SEPTIN11: variants seen among roughly 807,000 people sequenced by gnomAD.
The protein encoded by SEPTIN11 is septin 11.
A neutral mutation model predicts 51.4 loss-of-function variants in SEPTIN11; 25 were observed. The ratio of observed to expected loss-of-function variants is 0.49; its 90% CI spans 0.35 to 0.68. The LOEUF (loss-of-function observed/expected upper bound fraction) is 0.68. SEPTIN11 is among the 30% of genes least tolerant of loss of function. The pLI, the probability that SEPTIN11 is intolerant of heterozygous loss-of-function variation, is 0.00. For missense variants in SEPTIN11, 381 were observed against 520.8 expected (o/e 0.73, Z 2.61); for synonymous variants, 174 against 184.1 (o/e 0.95, Z 0.44).
At chr4:76,978,628 G>T (rs1013330108) in intron 1 of SEPTIN11, among the ~76,000 whole-genome samples, 1 of 152,160 alleles carries the variant, frequency 6.6e-6, no homozygotes, top group Non-Finnish European at 1.5e-5. Context: ...ACCGTAAAAT[G>T]GGAATAATAA....
chr4:77,033,303 TGG>T (rs1192221561), intron 9 of SEPTIN11, among the ~76,000 whole-genome samples: 1 of 152,220 alleles, frequency 6.6e-6, no homozygotes, highest in African/African-American at 2.4e-5. Context: ...GGAACAGATG[TGG>T]GAGTTGCCAT....
intron 1 of SEPTIN11, among the ~76,000 whole-genome samples, chr4:76,994,760 T>C (rs1723572667): frequency 6.6e-6 from 1 of 152,178 alleles, no homozygotes; most frequent in African/African-American, 2.4e-5. Context: ...TTTCTGTGCC[T>C]ATATAGTGAC....
At chr4:77,009,797 C>G (rs1385095696) in intron 3 of SEPTIN11, 1 of 152,200 alleles carries the variant, frequency 6.6e-6, no homozygotes, top group Non-Finnish European at 1.5e-5. Flanking sequence ...TTCTCTTACC[C>G]TTTGGGATAA....
At chr4:77,016,177 A>G (rs994556015) in intron 5 of SEPTIN11, among the ~76,000 whole-genome samples, 8 of 152,124 alleles carry the variant, frequency 5.3e-5, no homozygotes, top group Admixed American at 1.3e-4. Context: ...AGCATTTACT[A>G]TGCACCAGGA....
intron 4 of SEPTIN11, among the ~76,000 whole-genome samples, chr4:77,013,017 C>T (rs867500603): frequency 2.0e-5 from 3 of 152,196 alleles, no homozygotes; most frequent in South Asian, 4.1e-4. Flanking sequence ...GGGCCGCTTC[C>T]GGGTCTGTTG....
Position 77,035,638 on chromosome 4 carries a change from A to G in SEPTIN11, c.*1126A>G. 1 of 985,624 alleles carries G rather than the reference A, an allele frequency of 1.0e-6. No individual in the cohort carries two copies. The allele number at this position is 985,624 out of a possible 1,614,324, so 61.1% of individuals were successfully genotyped here. A position where few individuals can be genotyped will look rare whatever the true frequency, so the allele number is the denominator to read the frequency against. ...CTTAGTCTCCTTTCAGTATTTGGCA[A>G]TAAAAGAAAGAAGAAATAGAACAGC... is the stretch of plus-strand genomic sequence containing the variant. On this transcript the variant is annotated 3_prime_UTR_variant, in exon 10 of 10. Transcript: ENST00000264893.
At chr4:77,033,335 T>G (rs1045195907) in intron 9 of SEPTIN11, among the ~76,000 whole-genome samples, 3 of 152,214 alleles carry the variant, frequency 2.0e-5, no homozygotes, top group African/African-American at 7.2e-5. Flanking sequence ...GACTTTGTTA[T>G]AGGTAGAAAA....
chr4:77,023,047 G>A (rs1725832576), intron 7 of SEPTIN11, among the ~76,000 whole-genome samples: 1 of 152,152 alleles, frequency 6.6e-6, no homozygotes, highest in Non-Finnish European at 1.5e-5. Flanking sequence ...CCCACCAGGA[G>A]GAGGTGGAGC....
chr4:76,956,745 T>C (rs756923827), intron 1 of SEPTIN11, among the ~76,000 whole-genome samples: 1 of 152,088 alleles, frequency 6.6e-6, no homozygotes, highest in Non-Finnish European at 1.5e-5. Context: ...GGATAGAGAA[T>C]CCTCCTGTAA....
At chr4:77,015,075 A>C in intron 5 of SEPTIN11, 58 bp downstream of exon 5, 3 of 1,553,520 alleles carry the variant, frequency 1.9e-6, no homozygotes, top group Non-Finnish European at 2.6e-6. Flanking sequence ...TCTTAGTAGC[A>C]GCATTGTAGA....
intron 3 of SEPTIN11, among the ~76,000 whole-genome samples, chr4:77,007,475 A>C (rs1459024469): frequency 6.6e-6 from 1 of 152,004 alleles, no homozygotes; most frequent in Non-Finnish European, 1.5e-5. Context: ...CAGTGCTGCC[A>C]CTCAATTTTT....
intron 1 of SEPTIN11, among the ~76,000 whole-genome samples, chr4:76,966,382 TTAAGGCTTGTAAAATGACTATGACCTGA>T (rs1367049353): frequency 6.6e-6 from 1 of 152,126 alleles, no homozygotes; most frequent in Non-Finnish European, 1.5e-5. Flanking sequence ...CAGGAAACTG[TTAAGGCTTGTAAAATGACTATGACCTGA>T]TTAGGCAAAT....
chr4:77,035,278 T>A lies in SEPTIN11; in HGVS notation c.*766T>A. ...AAAGGTTGGATCATGTAACATTGCT[T>A]AGTAGAAGAATCTTCTTCTAAGGAT... On this transcript the variant is annotated 3_prime_UTR_variant, in exon 10 of 10. Transcript: ENST00000264893. 1.0e-6 allele frequency: 1 copy of A among 985,446 alleles called. No individual in the cohort carries two copies. Among genetic ancestry groups the A allele is most frequent in the Non-Finnish European group, 1.2e-6 (1 of 829,930 alleles). The allele number at this position is 985,446 out of a possible 1,614,324, so 61.0% of individuals were successfully genotyped here.
At chr4:76,957,361 G>A (rs1187671630) in intron 1 of SEPTIN11, among the ~76,000 whole-genome samples, 1 of 152,118 alleles carries the variant, frequency 6.6e-6, no homozygotes, top group Non-Finnish European at 1.5e-5. Flanking sequence ...AGGCCATAGT[G>A]TATAGCGTTT....
chr4:76,989,945 T>C (rs12108464), intron 1 of SEPTIN11, among the ~76,000 whole-genome samples: 80,008 of 151,920 alleles, frequency 0.53, 21,873 homozygotes, highest in Middle Eastern at 0.62. Flanking sequence ...CAGACCTTCA[T>C]GGTGAGTGTT....
chr4:76,974,050 C>T (rs761471973), intron 1 of SEPTIN11, among the ~76,000 whole-genome samples: 28 of 152,072 alleles, frequency 1.8e-4, no homozygotes, highest in Non-Finnish European at 3.4e-4. Flanking sequence ...CATTTGAGCC[C>T]CAGAATACAG....
chr4:77,024,459 G>A lies in SEPTIN11; in HGVS notation c.953+3789G>A, dbSNP rs1725960497. Among the ~76,000 whole-genome samples the A allele has an allele frequency of 6.6e-6, 1 of 151,956 alleles. No individual in the cohort carries two copies. Among genetic ancestry groups the A allele is most frequent in the African/African-American group, 2.4e-5 (1 of 41,340 alleles). On this transcript the variant is annotated intron_variant, in intron 7 of 9. Coordinates refer to ENST00000264893, the MANE Select transcript of SEPTIN11 (RefSeq NM_018243.4). This position sits in a 1 kb window ranked among gnomAD's most constrained non-coding sequence, Gnocchi z 4.2. ...TCCAGACCCCAGCCCCTTTCTGGCT[G>A]GCATTATAGGGTAGAAGAGGAGACG...
chr4:77,005,583 T>C lies in SEPTIN11; in HGVS notation c.143-18T>C. 14 of 1,601,998 alleles carry C rather than the reference T, an allele frequency of 8.7e-6. No homozygotes were observed. The highest frequency in any genetic ancestry group is 1.1e-5 in the Non-Finnish European group (13 of 1,171,836). On this transcript the variant is annotated intron_variant, in intron 2 of 9. Coordinates refer to ENST00000264893, the MANE Select transcript of SEPTIN11 (RefSeq NM_018243.4). ...AGACATTGACACATTCTCTGATTTT[T>C]CTTTTGTGGTTATGTAGGTGAGACA...
At chr4:76,991,566 C>T (rs1195493071) in intron 1 of SEPTIN11, among the ~76,000 whole-genome samples, 1 of 117,008 alleles carries the variant, frequency 8.5e-6, no homozygotes, top group African/African-American at 2.8e-5. Context: ...AAGAAAGTGA[C>T]CTTTTGGGCA....
Sources: allele counts gnomAD v4.1 joint callset (sites outside exome capture counted in the v4.1 genomes callset), GRCh38; gene constraint gnomAD v4.1.1; non-coding constraint Gnocchi (gnomAD v3.1); transcripts MANE v1.5; gene names NCBI Gene and HGNC (gene_info 2026-07-23, HGNC 2026-07-21).